The following NXPE2 variants were observed in gnomAD, a reference collection of about 807,000 sequenced individuals.
NXPE2 encodes the protein neurexophilin and PC-esterase domain family member 2.
NXPE2 carries 34 observed loss-of-function variants against 34.4 expected under a neutral mutation model. The observed-to-expected ratio is 0.99, with a 90% CI of 0.75 to 1.31. NXPE2 has a LOEUF of 1.31. Among genes scored for constraint, NXPE2 ranks in the 40% most tolerant of loss-of-function variants. The pLI, the probability that NXPE2 is intolerant of heterozygous loss-of-function variation, is 0.00. For synonymous variants in NXPE2, 235 were observed against 231.3 expected, an observed-to-expected ratio of 1.02 and a Z score of -0.15; for missense variants, 649 against 672.5, an observed-to-expected ratio of 0.97 and a Z score of 0.39.
At chr11:114,737,604 T>C in the NXPE2 span, among the ~76,000 whole-genome samples, 4 of 152,156 alleles carry the variant, frequency 2.6e-5, no homozygotes, top group African/African-American at 9.7e-5. Context: ...TATCCTCATT[T>C]TGTGGATGAG....
the NXPE2 span, among the ~76,000 whole-genome samples, chr11:114,487,243 T>A: frequency 3.9e-5 from 6 of 152,250 alleles, no homozygotes; most frequent in Admixed American, 1.3e-4. Context: ...GTATTTAATT[T>A]TATTTATAAC....
the NXPE2 span, among the ~76,000 whole-genome samples, chr11:114,734,003 A>G: frequency 1.2e-3 from 187 of 152,338 alleles, no homozygotes; most frequent in African/African-American, 4.2e-3. Flanking sequence ...TAAGGAGTTG[A>G]ATCAGTAAAT....
At chr11:114,627,185 C>T in the NXPE2 span, among the ~76,000 whole-genome samples, 4 of 151,944 alleles carry the variant, frequency 2.6e-5, no homozygotes, top group Admixed American at 2.6e-4. Flanking sequence ...AAAGATACTC[C>T]TCGAGAAGAG....
the NXPE2 span, among the ~76,000 whole-genome samples, chr11:114,595,119 C>G: frequency 6.6e-6 from 1 of 152,106 alleles, no homozygotes; most frequent in Non-Finnish European, 1.5e-5. Context: ...CCCTTAAACT[C>G]AAGGGCAGAC....
the NXPE2 span, among the ~76,000 whole-genome samples, chr11:114,782,732 C>A: frequency 1.3e-5 from 2 of 152,170 alleles, no homozygotes; most frequent in Non-Finnish European, 2.9e-5. Context: ...ATAAATTTCT[C>A]TTCATCAGGA....
chr11:114,751,951 G>A, the NXPE2 span, among the ~76,000 whole-genome samples: 1 of 152,184 alleles, frequency 6.6e-6, no homozygotes, highest in Non-Finnish European at 1.5e-5. Flanking sequence ...ATGGGGCCTG[G>A]AGCCAAGAAA....
chr11:114,654,568 C>T, the NXPE2 span, among the ~76,000 whole-genome samples: 10 of 152,070 alleles, frequency 6.6e-5, no homozygotes, highest in East Asian at 3.9e-4. Context: ...TGAGAACATT[C>T]GGTGTTTGGC....
chr11:114,596,975 C>T, the NXPE2 span, among the ~76,000 whole-genome samples: 8 of 152,142 alleles, frequency 5.3e-5, no homozygotes, highest in Non-Finnish European at 1.0e-4. Context: ...TCCAAGATTC[C>T]TTTCATTTTG....
At chr11:114,811,254 T>G in the NXPE2 span, among the ~76,000 whole-genome samples, 145,491 of 150,902 alleles carry the variant, frequency 0.96, 70,380 homozygotes, top group Middle Eastern at 1. Context: ...GTTAGTGGGT[T>G]CGGCACACCA....
At chr11:114,612,139 G>A in the NXPE2 span, among the ~76,000 whole-genome samples, 2 of 151,782 alleles carry the variant, frequency 1.3e-5, no homozygotes, top group African/African-American at 4.8e-5. Context: ...TTGTTGCCTC[G>A]TGGGTAACCA....
the NXPE2 span, among the ~76,000 whole-genome samples, chr11:114,621,141 G>T: frequency 6.6e-6 from 1 of 152,034 alleles, no homozygotes; most frequent in African/African-American, 2.4e-5. Context: ...ATTGTTTCAT[G>T]GGTAAACACT....
At chr11:114,557,229 T>C in the NXPE2 span, among the ~76,000 whole-genome samples, 1 of 152,154 alleles carries the variant, frequency 6.6e-6, no homozygotes, top group African/African-American at 2.4e-5. Flanking sequence ...TCAAAAACTC[T>C]AAAATTATTC....
rs1471324472 is a variant in NXPE2, at chr11:114,698,283, G to A, written c.371G>A (p.Cys124Tyr). 2 of 1,613,450 alleles carry A rather than the reference G, an allele frequency of 1.2e-6. No individual in the cohort carries two copies. Among genetic ancestry groups the A allele is most frequent in the Admixed American group, 3.3e-5 (2 of 59,990 alleles). ...ATCCTCAACCCTCAAGATACGTACT[G>A]CAGGGGGGATCAGCTGGACATCCTT... ...ATILNPQDTY[C>Y]RGDQLDILLE... Residue 124 changes from cysteine (C) to tyrosine (Y), a missense_variant, in exon 3 of 6, where the codon TGC becomes TAC. By Grantham distance (194) the Cys-to-Tyr change is radical. Coordinates refer to ENST00000389586, the MANE Select transcript of NXPE2 (RefSeq NM_182495.6).
At chr11:114,637,765 T>A in the NXPE2 span, among the ~76,000 whole-genome samples, 4 of 151,836 alleles carry the variant, frequency 2.6e-5, no homozygotes, top group Non-Finnish European at 5.9e-5. Flanking sequence ...TGAAAATTCT[T>A]CTCTTTAAGA....
chr11:114,673,536 A>T (rs1950823841), upstream of NXPE2, among the ~76,000 whole-genome samples: 1 of 151,822 alleles, frequency 6.6e-6, no homozygotes. Context: ...ACCAAAAAAA[A>T]GTCCTTTCAA....
the NXPE2 span, among the ~76,000 whole-genome samples, chr11:114,494,166 G>A: frequency 6.6e-6 from 1 of 152,050 alleles, no homozygotes; most frequent in Non-Finnish European, 1.5e-5. Context: ...ATTATTAAAT[G>A]CGTTGAGGTC....
chr11:114,694,020 GC>G (rs1951202549), intron 2 of NXPE2, among the ~76,000 whole-genome samples: 1 of 152,136 alleles, frequency 6.6e-6, no homozygotes, highest in South Asian at 2.1e-4. Flanking sequence ...ATGTTCCCTG[GC>G]CTTTTGAAGA....
downstream of NXPE2, chr11:114,707,441 C>A: frequency 2.3e-6 from 1 of 426,698 alleles, no homozygotes; most frequent in Non-Finnish European, 4.7e-6. Flanking sequence ...GTCACCAAGA[C>A]TGGAGTGCAG....
the NXPE2 span, among the ~76,000 whole-genome samples, chr11:114,567,358 G>A: frequency 6.6e-6 from 1 of 151,794 alleles, no homozygotes; most frequent in Non-Finnish European, 1.5e-5. Context: ...AACCCTGCCT[G>A]GACTATGGAG....
Sources: allele counts gnomAD v4.1 joint callset (sites outside exome capture counted in the v4.1 genomes callset), GRCh38; gene constraint gnomAD v4.1.1; transcripts MANE v1.5; gene names NCBI Gene and HGNC (gene_info 2026-07-23, HGNC 2026-07-21).